The following DNAJB1 variants were observed in gnomAD, a reference collection of about 807,000 sequenced individuals.
DNAJB1 encodes DnaJ heat shock protein family (Hsp40) member B1.
Under a neutral mutation model 24.0 loss-of-function variants are expected in DNAJB1, and 14 were observed. The observed-to-expected ratio is 0.58, with a 90% confidence interval of 0.39 to 0.91. DNAJB1 has a LOEUF of 0.91. Among genes scored for constraint, DNAJB1 ranks in the 40% least tolerant of loss-of-function variants. DNAJB1 has a pLI of 0.00. For synonymous variants in DNAJB1, 262 were observed against 174.4 expected, an observed-to-expected ratio of 1.50 and a Z score of -3.96; for missense variants, 517 against 458.1, an observed-to-expected ratio of 1.13 and a Z score of -1.17.
chr19:14,518,499 G>T (rs1174841363), upstream of DNAJB1: 4 of 557,664 alleles, frequency 7.2e-6, no homozygotes, highest in Non-Finnish European at 1.0e-5. Context: ...CCGCGGCGCC[G>T]GCCAATCGCC....
chr19:14,514,807 T>C lies in DNAJB1; in HGVS notation c.*1133A>G, dbSNP rs953911932. 3 of 152,656 alleles carry C rather than the reference T, an allele frequency of 2.0e-5. No individual in the cohort carries two copies. Among genetic ancestry groups the C allele is most frequent in the African/African-American group, 4.8e-5 (2 of 41,446 alleles). The allele number at this position is 152,656 out of a possible 1,614,324, so 9.5% of individuals were successfully genotyped here. On this transcript the variant is annotated 3_prime_UTR_variant, in exon 3 of 3. Coordinates refer to ENST00000254322, the MANE Select transcript of DNAJB1 (RefSeq NM_006145.3). ...CAGTCTTTAATGCTGTCGCACTTCATTGACTAGTCACACACTTTGGTCTCA... is the reference window on the plus strand; with the variant it reads ...CAGTCTTTAATGCTGTCGCACTTCACTGACTAGTCACACACTTTGGTCTCA...
chr19:14,542,454 C>T (rs550567757), intron 1 of DNAJB1, among the ~76,000 whole-genome samples: 96 of 146,606 alleles, frequency 6.5e-4, no homozygotes, highest in African/African-American at 1.6e-3. Context: ...CTCCGCCTCC[C>T]GGGTTCAATC....
chr19:14,544,629 C>A (rs1273679484), intron 1 of DNAJB1, among the ~76,000 whole-genome samples: 1 of 134,420 alleles, frequency 7.4e-6, no homozygotes, highest in Admixed American at 7.9e-5. Context: ...CGGTGTTTGG[C>A]CATTCCTTTT....
rs62125087 is a variant in DNAJB1 at position 14,541,586 on chromosome 19, A to G, written c.-214+8622T>C. Among the ~76,000 whole-genome samples, 1,007 of 152,204 alleles carry G rather than the reference A, an allele frequency of 6.6e-3. 10 individuals are homozygous for G. Among genetic ancestry groups the G allele is most frequent in the Non-Finnish European group, 0.01 (712 of 68,010 alleles). Reference sequence around the variant, plus strand: ...TGAACGAACCACATTCTCTGTCCTCAAGATCTTTTCATTTAAGCCAAGGCC... The same window carrying G: ...TGAACGAACCACATTCTCTGTCCTCGAGATCTTTTCATTTAAGCCAAGGCC... On this transcript the variant is annotated intron_variant, in intron 1 of 3. Coordinates refer to the DNAJB1 transcript ENST00000676982.
chr19:14,545,414 C>CGCTGTCTCCTCTCCACA (rs781476041), intron 1 of DNAJB1, among the ~76,000 whole-genome samples: 3,235 of 152,290 alleles, frequency 0.021, 55 homozygotes, highest in Admixed American at 0.064. Flanking sequence ...CCCTCTGCAC[C>CGCTGTCTCCTCTCCACA]GCTGTCTCCT....
At chr19:14,528,659 G>C (rs2072495474) in intron 1 of DNAJB1, among the ~76,000 whole-genome samples, 1 of 152,112 alleles carries the variant, frequency 6.6e-6, no homozygotes, top group Admixed American at 6.6e-5. Context: ...GTGGAGGGGG[G>C]CCGGGCGGGG....
At chr19:14,527,198 T>TTTTTTTA (rs2072443388) in intron 2 of DNAJB1, among the ~76,000 whole-genome samples, 2 of 96,644 alleles carry the variant, frequency 2.1e-5, no homozygotes, top group Admixed American at 1.2e-4. Flanking sequence ...TTTTTTTTTT[T>TTTTTTTA]GAGACGGAGT....
In DNAJB1 at chr19:14,518,119, C is replaced by A. The variant is rs377424562; in HGVS notation, c.211+20G>T. 2 of 1,474,946 alleles carry A rather than the reference C, an allele frequency of 1.4e-6. No individual in the cohort carries two copies. Among genetic ancestry groups the A allele is most frequent in the Non-Finnish European group, 1.8e-6 (2 of 1,114,002 alleles). 91.4% of individuals were successfully genotyped at this position (1,474,946 alleles called of 1,614,324 possible). A position where few individuals can be genotyped will look rare whatever the true frequency, so the allele number is the denominator to read the frequency against. Reference sequence around the variant, plus strand: ...TGTCTGTCAAAAGGCGGGGCCGCGCCCCTGGCCGCGAGCACACACCTTCCT... The same window carrying A: ...TGTCTGTCAAAAGGCGGGGCCGCGCACCTGGCCGCGAGCACACACCTTCCT... On this transcript the variant is annotated intron_variant, in intron 1 of 2. Transcript: ENST00000254322.
chr19:14,533,749 G>A (rs1236957718), upstream of DNAJB1, among the ~76,000 whole-genome samples: 1 of 152,142 alleles, frequency 6.6e-6, no homozygotes, highest in African/African-American at 2.4e-5. Flanking sequence ...GCCTAATTGA[G>A]GTGAAGCCTC....
chr19:14,520,826 A>C (rs1352182155), upstream of DNAJB1, among the ~76,000 whole-genome samples: 1 of 152,086 alleles, frequency 6.6e-6, no homozygotes, highest in African/African-American at 2.4e-5. Flanking sequence ...CTATACAAAA[A>C]ATTAAAAATA....
intron 1 of DNAJB1, 198 bp from the exon 2 acceptor site, chr19:14,517,244 G>C: frequency 1.7e-6 from 1 of 588,744 alleles, no homozygotes; most frequent in Non-Finnish European, 3.0e-6. Context: ...TTTCCGCGTA[G>C]CCTGACAGTG....
At chr19:14,556,226 G>A (rs948482841) in intron 1 of DNAJB1, among the ~76,000 whole-genome samples, 2 of 152,090 alleles carry the variant, frequency 1.3e-5, no homozygotes, top group Non-Finnish European at 2.9e-5. Context: ...TCAGGGCCTT[G>A]GCACTTACTG....
At chr19:14,521,456 A>AAATAATAATAATAAT (rs111596555), upstream of DNAJB1, among the ~76,000 whole-genome samples, 1,029 of 143,110 alleles carry the variant, frequency 7.2e-3, 11 homozygotes, top group African/African-American at 0.015. Flanking sequence ...GAGAGTTTCA[A>AAATAATAATAATAAT]AATAATAATA....
At chr19:14,520,145 TTA>T (rs1371748176), upstream of DNAJB1, among the ~76,000 whole-genome samples, 2 of 152,184 alleles carry the variant, frequency 1.3e-5, no homozygotes, top group African/African-American at 2.4e-5. Flanking sequence ...GCTTTGAAGT[TTA>T]TATGAGTCAA....
rs1169742953 is a variant in DNAJB1 at position 14,543,419 on chromosome 19, ATTTTTTTTTTTTTTTTTTTTTTTTT to A, written c.-214+6764_-214+6788del. Among the ~76,000 whole-genome samples, 55 of 21,888 alleles carry A rather than the reference ATTTTTTTTTTTTTTTTTTTTTTTTT, an allele frequency of 2.5e-3. 1 individual carries two copies. The South Asian group carries it at 0.037, about 15-fold the overall frequency. The allele number at this position is 21,888 out of a possible 152,430, so 14.4% of individuals were successfully genotyped here. A position where few individuals can be genotyped will look rare whatever the true frequency, so the allele number is the denominator to read the frequency against. ...TATATATATATATATATATATATAT[ATTTTTTTTTTTTTTTTTTTTTTTTT>A]TTTTTTTTTTTTGAGACGGAGTCTC... On this transcript the variant is annotated intron_variant, in intron 1 of 3. Coordinates refer to the DNAJB1 transcript ENST00000676982.
At chr19:14,554,018 G>T (rs1161095696), upstream of DNAJB1, among the ~76,000 whole-genome samples, 4 of 152,188 alleles carry the variant, frequency 2.6e-5, no homozygotes, top group South Asian at 6.3e-4. Flanking sequence ...GAGCCTGCCG[G>T]AGCTTTGAGC....
In DNAJB1 at chr19:14,548,888, C is replaced by G. The variant is rs56070203; in HGVS notation, c.-214+1320G>C. ...CCGCATCCAACCATCTCAGACATCT[C>G]AGCAGCAGTGATACCACTGTGGCAG... On this transcript the variant is annotated intron_variant, in intron 1 of 3. Transcript: ENST00000676982. 1.1e-3 allele frequency among the ~76,000 whole-genome samples: 167 copies of G among 152,190 alleles called. 1 individual carries two copies. Among genetic ancestry groups the G allele is most frequent in the African/African-American group, 3.7e-3 (152 of 41,558 alleles).
intron 1 of DNAJB1, among the ~76,000 whole-genome samples, chr19:14,540,516 C>T (rs559004777): frequency 1.1e-4 from 17 of 152,152 alleles, no homozygotes; most frequent in South Asian, 2.1e-4. Context: ...CTCAGCCTCC[C>T]GAGTAGCTGG....
intron 1 of DNAJB1, among the ~76,000 whole-genome samples, chr19:14,556,235 T>G (rs2073716666): frequency 6.6e-6 from 1 of 152,112 alleles, no homozygotes; most frequent in South Asian, 2.1e-4. Flanking sequence ...TGGCACTTAC[T>G]GTTCCCTCTG....
Sources: allele counts gnomAD v4.1 joint callset (sites outside exome capture counted in the v4.1 genomes callset), GRCh38; gene constraint gnomAD v4.1.1; transcripts MANE v1.5; gene names NCBI Gene and HGNC (gene_info 2026-07-23, HGNC 2026-07-21).